Variants in SLX4 observed in about 807,000 individuals in gnomAD.
The protein encoded by SLX4 is SLX4 structure-specific endonuclease subunit, also known as structure-specific endonuclease subunit SLX4.
Under a neutral mutation model 146.2 loss-of-function variants are expected in SLX4, and 112 were observed. That is an observed-to-expected ratio of 0.77 (90% CI 0.66 to 0.90). SLX4 has a LOEUF of 0.90. SLX4 is among the 40% of genes least tolerant of loss of function. The probability of loss-of-function intolerance (pLI) is 0.00; values close to 1 mark genes in which losing one functional copy is unlikely to be tolerated. For missense variants in SLX4, 2,563 were observed against 2,392.7 expected (o/e 1.07, Z -1.49); for synonymous variants, 1,061 against 997.7 (o/e 1.06, Z -1.20).
chr16:3,582,259 C>A lies in SLX4; in HGVS notation c.*83G>T. Reference sequence around the variant, plus strand: ...GAAATGCCTGTGGAGGCCTGACCCACGCTGGGTGTCCCAGGTCCTCCCTGC... The same window carrying A: ...GAAATGCCTGTGGAGGCCTGACCCAAGCTGGGTGTCCCAGGTCCTCCCTGC... On this transcript the variant is annotated 3_prime_UTR_variant, in exon 15 of 15. Transcript: ENST00000294008. 2 of 1,259,960 alleles carry A rather than the reference C, an allele frequency of 1.6e-6. No homozygotes were observed. The highest frequency in any genetic ancestry group is 2.2e-6 in the Non-Finnish European group (2 of 900,956). 78.0% of individuals were successfully genotyped at this position (1,259,960 alleles called of 1,614,324 possible).
intron 3 of SLX4, among the ~76,000 whole-genome samples, chr16:3,603,350 G>T (rs1012161740): frequency 6.6e-6 from 1 of 152,198 alleles, no homozygotes; most frequent in Non-Finnish European, 1.5e-5. Context: ...AGCCTGGTTT[G>T]GTTTCTTAAC....
chr16:3,588,360 G>A (rs749316884), intron 12 of SLX4, among the ~76,000 whole-genome samples: 4 of 152,170 alleles, frequency 2.6e-5, no homozygotes, highest in East Asian at 1.9e-4. Flanking sequence ...TCTCTCACCC[G>A]GCAGCATGTT....
Position 3,597,240 on chromosome 16 carries a change from G to A in SLX4, c.1683+139C>T, listed in dbSNP as rs201347072. On this transcript the variant is annotated intron_variant, in intron 7 of 14. Coordinates refer to ENST00000294008, the MANE Select transcript of SLX4 (RefSeq NM_032444.4). The surrounding 1 kb of genome is among the most constrained non-coding windows in gnomAD (Gnocchi z 4.4). ...CAGAGAAGAAAGCTGCAGCCACCAA[G>A]TGCCCCTCTGGCCTCCTCCCGCCTC... The A allele has an allele frequency of 8.7e-6, 8 of 923,884 alleles. No homozygotes were observed. Among genetic ancestry groups the A allele is most frequent in the East Asian group, 2.6e-5 (1 of 37,770 alleles). The allele number at this position is 923,884 out of a possible 1,614,324, so 57.2% of individuals were successfully genotyped here.
chr16:3,588,815 G>A (rs1027601896), intron 12 of SLX4, among the ~76,000 whole-genome samples, 187 bp downstream of exon 12: 3 of 152,200 alleles, frequency 2.0e-5, no homozygotes, highest in African/African-American at 7.2e-5. Flanking sequence ...GCTGAGAAGT[G>A]TAGCATGAGA....
Position 3,606,367 on chromosome 16 carries a change from G to T in SLX4, c.760+107C>A, listed in dbSNP as rs922858697. 2.0e-5 allele frequency: 24 copies of T among 1,195,936 alleles called. No individual in the cohort carries two copies. The East Asian group carries it at 5.4e-4, about 27-fold the overall frequency. The allele number at this position is 1,195,936 out of a possible 1,614,324, so 74.1% of individuals were successfully genotyped here. Reference sequence around the variant, plus strand: ...GCAAAGGTAAAACATCAAGCAGAGAGCCTATCCACAGAAGAAACTCAACAA... The same window carrying T: ...GCAAAGGTAAAACATCAAGCAGAGATCCTATCCACAGAAGAAACTCAACAA... On this transcript the variant is annotated intron_variant, in intron 3 of 14. Coordinates refer to ENST00000294008, the MANE Select transcript of SLX4 (RefSeq NM_032444.4).
chr16:3,602,266 C>T lies in SLX4; in HGVS notation c.802G>A (p.Val268Met), dbSNP rs1060501798. 10 of 1,614,062 alleles carry T rather than the reference C, an allele frequency of 6.2e-6. No individual in the cohort carries two copies. In the Admixed American group the frequency reaches 1.2e-4, roughly 19 times the overall value. ...GPPAPESDAA[V>M]ALTLQQEFAR... ...AACTCCTGCTGCAGGGTCAAGGCCA[C>T]CGCAGCGTCGCTCTCTGGGGCAGGG... Residue 268 changes from valine to methionine, a missense_variant, in exon 4 of 15, where the codon GTG becomes ATG. Physicochemically the swap from Val to Met is conservative, Grantham distance 21. Transcript: ENST00000294008.
At chr16:3,585,822 C>CA (rs892951252) in intron 12 of SLX4, among the ~76,000 whole-genome samples, 3 of 135,868 alleles carry the variant, frequency 2.2e-5, no homozygotes, top group African/African-American at 8.2e-5. Flanking sequence ...AAAAAAAATA[C>CA]AAAAAAAGTT....
rs1303825377 is a variant in SLX4, at chr16:3,589,953, A to G, written c.3685T>C (p.Leu1229=). The G allele has an allele frequency of 6.2e-7, 1 of 1,613,328 alleles. No homozygotes were observed. Among genetic ancestry groups the G allele is most frequent in the Admixed American group, 1.7e-5 (1 of 59,926 alleles). The change falls in exon 12 of 15, where the codon TTG becomes CTG. Residue 1229 remains leucine (L), a synonymous_variant. Coordinates refer to ENST00000294008, the MANE Select transcript of SLX4 (RefSeq NM_032444.4). The surrounding 1 kb of genome is among the most constrained non-coding windows in gnomAD (Gnocchi z 6.2). ...EGALPENRGS[L]GRRGAPWLFC... The stretch of plus-strand genomic sequence containing the variant: ...AGCCAGGGAGCCCCTCTCCTGCCCA[A>G]AGAGCCCCGATTCTCCGGCAGCGCC...
rs534443134 is a variant in SLX4, at chr16:3,597,936, C to T, written c.1227G>A (p.Lys409=). 2.1e-4 allele frequency: 337 copies of T among 1,614,204 alleles called. 5 individuals are homozygous for T. In the South Asian group the frequency reaches 3.4e-3, roughly 16 times the overall value. Residue 409 remains lysine, a synonymous_variant, in exon 6 of 15, where the codon AAG becomes AAA. Coordinates refer to ENST00000294008, the MANE Select transcript of SLX4 (RefSeq NM_032444.4). The surrounding 1 kb of genome is among the most constrained non-coding windows in gnomAD (Gnocchi z 4.4). Reference sequence around the variant, plus strand: ...ACGGTGCCTCGTCCACCTTCCGCCTCTTCCGTGGCTCCTTCTTGCTGGTGG... The same window carrying T: ...ACGGTGCCTCGTCCACCTTCCGCCTTTTCCGTGGCTCCTTCTTGCTGGTGG... ...RGPTSKKEPR[K]RRKVDEAPSE...
rs764687977 is a variant in SLX4, at chr16:3,582,400, T to C, written c.5447A>G (p.Glu1816Gly). 3.1e-6 allele frequency: 5 copies of C among 1,613,896 alleles called. No individual in the cohort carries two copies. In the Admixed American group the frequency reaches 6.7e-5, roughly 22 times the overall value. Residue 1816 changes from glutamate to glycine, a missense_variant, in exon 15 of 15, where the codon GAG becomes GGG. Physicochemically the swap from Glu to Gly is moderately conservative, Grantham distance 98. Transcript: ENST00000294008. Reference protein sequence around the residue: ...ITFTTAATRREKLQGRRRQPR... With the variant: ...ITFTTAATRRGKLQGRRRQPR... Reference sequence around the variant, plus strand: ...CTGCCGCCTCCTGCCCTGGAGCTTCTCCCTGCGGGTGGCGGCAGTGGTGAA... The same window carrying C: ...CTGCCGCCTCCTGCCCTGGAGCTTCCCCCTGCGGGTGGCGGCAGTGGTGAA...
rs946379334 is a variant in SLX4, at chr16:3,582,977, A to G, written c.5153+120T>C. On this transcript the variant is annotated intron_variant, in intron 14 of 14. Transcript: ENST00000294008. ...ACCCACCTGGTTTTCCCACAGGTCA[A>G]ACCCAGAAGGTGACGGGGGTTTTTG... 8 of 1,361,032 alleles carry G rather than the reference A, an allele frequency of 5.9e-6. No homozygotes were observed. The African/African-American group carries it at 1.1e-4, about 19-fold the overall frequency. 84.3% of individuals were successfully genotyped at this position (1,361,032 alleles called of 1,614,324 possible). A position where few individuals can be genotyped will look rare whatever the true frequency, so the allele number is the denominator to read the frequency against.
At chr16:3,611,226 C>A (rs1038676330) in intron 1 of SLX4, among the ~76,000 whole-genome samples, 1 of 152,224 alleles carries the variant, frequency 6.6e-6, no homozygotes, top group African/African-American at 2.4e-5. Context: ...CGGAAAGGGG[C>A]TGAGGGGTTC....
At chr16:3,594,012 C>G (rs2040621146) in intron 10 of SLX4, among the ~76,000 whole-genome samples, 1 of 152,120 alleles carries the variant, frequency 6.6e-6, no homozygotes, top group South Asian at 2.1e-4. Context: ...GCTGGGACTA[C>G]AGGCGCCCGC....
chr16:3,585,098 G>A lies in SLX4; in HGVS notation c.4637-227C>T, dbSNP rs75693937. Among the ~76,000 whole-genome samples, 8,754 of 152,176 alleles carry A rather than the reference G, an allele frequency of 0.058. 275 individuals carry two copies. The highest frequency in any genetic ancestry group is 0.066 in the Non-Finnish European group (4,462 of 68,000). ...CCACACCTTGTATAACACGGGTGCC[G>A]GGTGAACAGAGCTCCTGGGGCCACT... On this transcript the variant is annotated intron_variant, in intron 12 of 14. Transcript: ENST00000294008.
Position 3,601,357 on chromosome 16 carries a change from C to T in SLX4, c.951-166G>A, listed in dbSNP as rs117053427. On this transcript the variant is annotated intron_variant, in intron 4 of 14. Coordinates refer to ENST00000294008, the MANE Select transcript of SLX4 (RefSeq NM_032444.4). ...TCTCCCGGCAGTCAGCCCCTAGACA[C>T]TACACTTAGGTATCTGTCAGCAAAG... The T allele has an allele frequency of 0.013, 9,246 of 697,394 alleles. 694 individuals carry two copies. In the Admixed American group the frequency reaches 0.15, roughly 12 times the overall value. 43.2% of individuals were successfully genotyped at this position (697,394 alleles called of 1,614,324 possible). A position where few individuals can be genotyped will look rare whatever the true frequency, so the allele number is the denominator to read the frequency against.
At chr16:3,608,332 T>A (rs2040808969) in intron 2 of SLX4, 98 bp downstream of exon 2, 2 of 1,252,050 alleles carry the variant, frequency 1.6e-6, no homozygotes, top group East Asian at 4.6e-5. Flanking sequence ...AGTTGAGTAG[T>A]TGTGACAGAG....
Position 3,597,057 on chromosome 16 carries a change from G to A in SLX4, c.1683+322C>T, listed in dbSNP as rs1201576698. Reference sequence around the variant, plus strand: ...AGGCTGGTCTCGAACTCCTGACCTCGTGATCCGCCCACCTCAGCCTCCCAA... The same window carrying A: ...AGGCTGGTCTCGAACTCCTGACCTCATGATCCGCCCACCTCAGCCTCCCAA... On this transcript the variant is annotated intron_variant, in intron 7 of 14. Coordinates refer to ENST00000294008, the MANE Select transcript of SLX4 (RefSeq NM_032444.4). The surrounding 1 kb of genome is among the most constrained non-coding windows in gnomAD (Gnocchi z 4.4). Among the ~76,000 whole-genome samples, 3 of 152,064 alleles carry A rather than the reference G, an allele frequency of 2.0e-5. No homozygotes were observed. The highest frequency in any genetic ancestry group is 2.1e-4 in the South Asian group (1 of 4,826).
At chr16:3,593,324 TC>T (rs1250704376) in intron 10 of SLX4, among the ~76,000 whole-genome samples, 2 of 152,206 alleles carry the variant, frequency 1.3e-5, no homozygotes, top group African/African-American at 4.8e-5. Flanking sequence ...TCCACCCTCC[TC>T]GGCCTCCCAA....
chr16:3,582,635 C>G lies in SLX4; in HGVS notation c.5212G>C (p.Gly1738Arg), dbSNP rs556217576. 1 of 1,613,520 alleles carries G rather than the reference C, an allele frequency of 6.2e-7. No individual in the cohort carries two copies. Among genetic ancestry groups the G allele is most frequent in the Non-Finnish European group, 8.5e-7 (1 of 1,180,032 alleles). Residue 1738 changes from glycine (G) to arginine (R), a missense_variant, in exon 15 of 15, where the codon GGG becomes CGG. Transcript: ENST00000294008. ...GCTGCCTGCGAGGCACTGACCTCCC[C>G]CTCGCCCTCCTCTTCACCTGCAGAC... Reference protein sequence around the residue: ...FESAGEEEGEGEVSASQAAVQ... With the variant: ...FESAGEEEGEREVSASQAAVQ...
Sources: gnomAD v4.1 joint callset for allele counts (sites outside exome capture counted in the v4.1 genomes callset) on GRCh38, gnomAD v4.1.1 for gene constraint, Gnocchi (gnomAD v3.1) non-coding constraint, MANE v1.5 for transcripts, NCBI Gene and HGNC (gene_info 2026-07-23, HGNC 2026-07-21) for gene names.